SHBG: variants seen among roughly 807,000 people sequenced by gnomAD.
SHBG encodes the protein sex hormone binding globulin.
Under a neutral mutation model 41.9 loss-of-function variants are expected in SHBG, and 37 were observed. That is an observed-to-expected ratio of 0.88 (90% CI 0.68 to 1.16). SHBG has a LOEUF of 1.16. Among genes scored for constraint, SHBG ranks in the 50% most tolerant of loss-of-function variants. The pLI, the probability that SHBG is intolerant of heterozygous loss-of-function variation, is 0.00. For synonymous variants in SHBG, 217 were observed against 205.8 expected, an observed-to-expected ratio of 1.05 and a Z score of -0.47; for missense variants, 466 against 499.9, an observed-to-expected ratio of 0.93 and a Z score of 0.65.
chr17:7,616,798 T>G (rs889817260), intron 1 of SHBG, among the ~76,000 whole-genome samples: 5 of 152,036 alleles, frequency 3.3e-5, no homozygotes, highest in Non-Finnish European at 5.9e-5. Context: ...TAGCTGGGCA[T>G]GGTGGTGCAT....
intron 4 of SHBG, 41 bp downstream of exon 4, chr17:7,631,402 T>C: frequency 6.2e-7 from 1 of 1,604,784 alleles, no homozygotes; most frequent in South Asian, 1.1e-5. Context: ...CAAGACTTGG[T>C]AAAGCACTGC....
Position 7,633,203 on chromosome 17 carries a change from G to A in SHBG, c.1061-1G>A. On this transcript the variant is annotated splice_acceptor_variant, in intron 7 of 7. Coordinates refer to ENST00000380450, the MANE Select transcript of SHBG (RefSeq NM_001040.5). LOFTEE classifies it high-confidence loss of function. ...GCCACCTTTGCACTACCTCCCTCTA[G>A]GAGAAGACTCTTCCACCTCTTTTTG... 1 of 1,614,118 alleles carries A rather than the reference G, an allele frequency of 6.2e-7. No individual in the cohort carries two copies. Among genetic ancestry groups the A allele is most frequent in the Non-Finnish European group, 8.5e-7 (1 of 1,180,002 alleles).
upstream of SHBG, among the ~76,000 whole-genome samples, chr17:7,625,564 G>A (rs1002950203): frequency 3.3e-5 from 5 of 150,384 alleles, no homozygotes; most frequent in African/African-American, 9.8e-5. Context: ...GTGACAGAGC[G>A]AGACTCTGTC....
At chr17:7,620,207 G>A (rs2072066035) in intron 1 of SHBG, among the ~76,000 whole-genome samples, 1 of 152,058 alleles carries the variant, frequency 6.6e-6, no homozygotes, top group African/African-American at 2.4e-5. Flanking sequence ...GCTCACACCT[G>A]TAATCCTCCC....
chr17:7,627,910 G>C, upstream of SHBG: 1 of 595,600 alleles, frequency 1.7e-6, no homozygotes, highest in Non-Finnish European at 3.1e-6. The surrounding 1 kb of genome is among the most constrained non-coding windows in gnomAD (Gnocchi z 4.8). Flanking sequence ...CAGCCAATCA[G>C]CTTGGAGAAC....
upstream of SHBG, among the ~76,000 whole-genome samples, chr17:7,625,645 C>A (rs2072183641): frequency 6.6e-6 from 1 of 151,906 alleles, no homozygotes; most frequent in Admixed American, 6.6e-5. Flanking sequence ...AATCCCAGCA[C>A]TTTGGGGGGC....
Position 7,619,848 on chromosome 17 carries a change from T to C in SHBG, c.-62+5737T>C, listed in dbSNP as rs183204367. On this transcript the variant is annotated intron_variant, in intron 1 of 5. Coordinates refer to the SHBG transcript ENST00000570547. Reference sequence around the variant, plus strand: ...GTTCTGAAGGGCTAGCTTTTCATCCTCAACAGTGCAAAGCCAATAGCTAAT... The same window carrying C: ...GTTCTGAAGGGCTAGCTTTTCATCCCCAACAGTGCAAAGCCAATAGCTAAT... Among the ~76,000 whole-genome samples the C allele has an allele frequency of 4.4e-3, 670 of 152,266 alleles. 7 individuals carry two copies. The highest frequency in any genetic ancestry group is 0.016 in the African/African-American group (645 of 41,532).
chr17:7,622,364 C>T (rs1334068928), intron 1 of SHBG, among the ~76,000 whole-genome samples: 15 of 151,880 alleles, frequency 9.9e-5, no homozygotes, highest in Admixed American at 8.5e-4. Context: ...CCTCCACCTC[C>T]CGGGTTCAAG....
chr17:7,620,540 C>T (rs1035201614), intron 1 of SHBG, among the ~76,000 whole-genome samples: 2 of 151,988 alleles, frequency 1.3e-5, no homozygotes, highest in Admixed American at 6.6e-5. Flanking sequence ...AGGCTGGTCT[C>T]GAACTCCTGA....
upstream of SHBG, chr17:7,627,957 C>A: frequency 1.8e-6 from 1 of 542,430 alleles, no homozygotes; most frequent in African/African-American, 1.9e-5. This position sits in a 1 kb window ranked among gnomAD's most constrained non-coding sequence, Gnocchi z 4.8. Context: ...CCACCCCCGA[C>A]AGCTGGATCT....
chr17:7,620,850 C>T (rs144220931), intron 1 of SHBG, among the ~76,000 whole-genome samples: 38 of 151,990 alleles, frequency 2.5e-4, no homozygotes, highest in African/African-American at 8.2e-4. Context: ...AGGCTGGTCG[C>T]GAACTCCTGA....
At chr17:7,614,664 G>T in intron 1 of SHBG, 1 of 413,812 alleles carries the variant, frequency 2.4e-6, no homozygotes, top group East Asian at 4.2e-5. Flanking sequence ...AGCCGGGCCG[G>T]CCCCACGGCG....
At chr17:7,626,676 C>A (rs2072218096), upstream of SHBG, 1 of 1,611,932 alleles carries the variant, frequency 6.2e-7, no homozygotes. Context: ...TTCTCACTCC[C>A]TCTTTCAACC....
In SHBG at chr17:7,631,869, C is replaced by G; in HGVS notation, c.716-10C>G. 1.2e-6 allele frequency: 2 copies of G among 1,614,086 alleles called. No homozygotes were observed. Among genetic ancestry groups the G allele is most frequent in the Non-Finnish European group, 1.7e-6 (2 of 1,180,020 alleles). On this transcript the variant is annotated splice_polypyrimidine_tract_variant and intron_variant, in intron 5 of 7. Transcript: ENST00000380450. The stretch of plus-strand genomic sequence containing the variant: ...CTTTGAGGCCTCAGGATAATCATTT[C>G]TCCCCACAGACATTCCCCAGCCTCA...
At chr17:7,631,807 C>T (rs1333536779) in intron 5 of SHBG, 59 bp downstream of exon 5, 2 of 1,612,774 alleles carry the variant, frequency 1.2e-6, no homozygotes, top group African/African-American at 2.7e-5. Flanking sequence ...CCTCTGTCCC[C>T]CTCTACCACT....
At chr17:7,621,601 T>TAAAAA (rs747951932) in intron 1 of SHBG, among the ~76,000 whole-genome samples, 2 of 46,944 alleles carry the variant, frequency 4.3e-5, no homozygotes, top group Non-Finnish European at 7.6e-5. Flanking sequence ...AGTCTCCGTC[T>TAAAAA]AAAAAAAAAA....
chr17:7,627,158 G>A (rs1447456523), upstream of SHBG: 4 of 1,614,012 alleles, frequency 2.5e-6, no homozygotes, highest in African/African-American at 4.0e-5. This position sits in a 1 kb window ranked among gnomAD's most constrained non-coding sequence, Gnocchi z 4.8. Flanking sequence ...AGCTTCCCGG[G>A]CGCTGGAAGA....
intron 6 of SHBG, among the ~76,000 whole-genome samples, chr17:7,632,268 A>T (rs2072442423): frequency 6.6e-6 from 1 of 151,266 alleles, no homozygotes; most frequent in African/African-American, 2.4e-5. Context: ...AACATAGCAG[A>T]GACCTCTGTC....
At chr17:7,616,246 G>A (rs2071984375) in intron 1 of SHBG, among the ~76,000 whole-genome samples, 1 of 151,178 alleles carries the variant, frequency 6.6e-6, no homozygotes, top group African/African-American at 2.4e-5. Flanking sequence ...GGAAGGTGGA[G>A]GTTGCAGTGA....
Sources: allele counts gnomAD v4.1 joint callset (sites outside exome capture counted in the v4.1 genomes callset), GRCh38; gene constraint gnomAD v4.1.1; non-coding constraint Gnocchi (gnomAD v3.1); transcripts MANE v1.5; gene names NCBI Gene and HGNC (gene_info 2026-07-23, HGNC 2026-07-21).